TMEM41B: variants seen among roughly 807,000 people sequenced by gnomAD.
TMEM41B encodes transmembrane protein 41B.
Under a neutral mutation model 31.9 loss-of-function variants are expected in TMEM41B, and 18 were observed. That is an observed-to-expected ratio of 0.56 (90% CI 0.39 to 0.84). TMEM41B has a LOEUF of 0.84. TMEM41B is among the 40% of genes least tolerant of loss of function. The probability of loss-of-function intolerance (pLI) is 0.00; values close to 1 mark genes in which losing one functional copy is unlikely to be tolerated. For missense variants in TMEM41B, 322 were observed against 348.0 expected, an observed-to-expected ratio of 0.93 and a Z score of 0.59; for synonymous variants, 144 against 124.3, an observed-to-expected ratio of 1.16 and a Z score of -1.05.
At chr11:9,292,072 T>C (rs1193802767) in intron 3 of TMEM41B, among the ~76,000 whole-genome samples, 1 of 152,218 alleles carries the variant, frequency 6.6e-6, no homozygotes, top group Non-Finnish European at 1.5e-5. Flanking sequence ...TAATTCCTTA[T>C]TGTCCTAAAG....
At position 9,286,196 on chromosome 11, in the gene TMEM41B, A is replaced by AGTTACAG. The variant is rs5789598; in HGVS notation, c.706+258_706+259insCTGTAAC. On this transcript the variant is annotated intron_variant, in intron 6 of 6. Coordinates refer to ENST00000528080, the MANE Select transcript of TMEM41B (RefSeq NM_015012.4). ...TTCCTCTCCACTTAGAGGGACTGGA[A>AGTTACAG]GTCCTGCTTAACCCTATATCATTAA... is the stretch of plus-strand genomic sequence containing the variant. Among the ~76,000 whole-genome samples, 6 of 152,008 alleles carry AGTTACAG rather than the reference A, an allele frequency of 3.9e-5. No individual in the cohort carries two copies. In the East Asian group the frequency reaches 5.8e-4, roughly 15 times the overall value.
chr11:9,293,775 G>T (rs72850512), intron 3 of TMEM41B, among the ~76,000 whole-genome samples: 22,906 of 151,806 alleles, frequency 0.15, 1,962 homozygotes, highest in Non-Finnish European at 0.2. Flanking sequence ...TAAAGATGGC[G>T]TTTCACTATG....
intron 1 of TMEM41B, among the ~76,000 whole-genome samples, chr11:9,310,613 T>C (rs1008219089): frequency 2.0e-5 from 3 of 151,404 alleles, no homozygotes; most frequent in African/African-American, 7.3e-5. Flanking sequence ...AAAAGTTATG[T>C]ACTCTAGTCC....
intron 1 of TMEM41B, among the ~76,000 whole-genome samples, chr11:9,305,085 C>G (rs1853353511): frequency 1.3e-5 from 2 of 152,124 alleles, no homozygotes; most frequent in South Asian, 4.1e-4. Flanking sequence ...AGCCATAGAA[C>G]CGGGCTAGAA....
At chr11:9,311,765 C>A in intron 1 of TMEM41B, 1 of 616,648 alleles carries the variant, frequency 1.6e-6, no homozygotes, top group Non-Finnish European at 3.0e-6. Flanking sequence ...ACTAGTTTCA[C>A]CTCCTGTCTG....
chr11:9,302,524 C>T (rs1184163638), intron 1 of TMEM41B, among the ~76,000 whole-genome samples: 1 of 99,522 alleles, frequency 1.0e-5, no homozygotes, highest in Admixed American at 9.7e-5. Context: ...AACTCCTGGG[C>T]TCCAGCAATC....
chr11:9,312,986 G>A lies in TMEM41B; in HGVS notation c.121+1335C>T, dbSNP rs947173873. The stretch of plus-strand genomic sequence containing the variant: ...TAAGATTAAAAAGTAAGAGCACTTT[G>A]GAAGTTTCAAGGTTTTATTTTTTGA... On this transcript the variant is annotated intron_variant, in intron 1 of 6. Coordinates refer to ENST00000528080, the MANE Select transcript of TMEM41B (RefSeq NM_015012.4). 9.9e-5 allele frequency among the ~76,000 whole-genome samples: 15 copies of A among 151,582 alleles called. No homozygotes were observed. The East Asian group carries it at 1.5e-3, about 16-fold the overall frequency.
At chr11:9,287,615 T>C in intron 5 of TMEM41B, 87 bp downstream of exon 5, 4 of 821,414 alleles carry the variant, frequency 4.9e-6, no homozygotes, top group Non-Finnish European at 7.6e-6. Flanking sequence ...GTTGGGTTAA[T>C]ACATGTAGTT....
intron 1 of TMEM41B, among the ~76,000 whole-genome samples, chr11:9,310,655 CTTTTT>C (rs36061977): frequency 5.5e-5 from 6 of 109,162 alleles, no homozygotes; most frequent in Admixed American, 1.1e-4. Context: ...GTTAAGAGCC[CTTTTT>C]TTTTTTTTTT....
At chr11:9,314,250 G>C (rs963843204) in intron 1 of TMEM41B, 71 bp downstream of exon 1, 2 of 1,495,644 alleles carry the variant, frequency 1.3e-6, no homozygotes, top group Non-Finnish European at 1.8e-6. Flanking sequence ...GAGAATAGCG[G>C]GGGTCCTTTT....
chr11:9,293,478 AAC>A (rs1174354854), intron 3 of TMEM41B, among the ~76,000 whole-genome samples: 1 of 152,342 alleles, frequency 6.6e-6, no homozygotes, highest in East Asian at 1.9e-4. Context: ...TCTTAGATAA[AAC>A]ACAGCATATT....
chr11:9,311,598 G>T, intron 1 of TMEM41B: 1 of 1,035,722 alleles, frequency 9.7e-7, no homozygotes, highest in Non-Finnish European at 1.4e-6. Flanking sequence ...TGGGTTGATA[G>T]GTGGTGAGTG....
chr11:9,300,351 C>G (rs1590382631), intron 1 of TMEM41B, among the ~76,000 whole-genome samples: 1 of 152,214 alleles, frequency 6.6e-6, no homozygotes, highest in African/African-American at 2.4e-5. Flanking sequence ...TGGGAGCCAA[C>G]AGCATAGACA....
intron 1 of TMEM41B, among the ~76,000 whole-genome samples, chr11:9,310,491 T>C (rs1853531046): frequency 6.6e-6 from 1 of 152,070 alleles, no homozygotes. Flanking sequence ...CAAATTGATT[T>C]CACACCCCTC....
chr11:9,289,925 A>C (rs746870683), intron 3 of TMEM41B, among the ~76,000 whole-genome samples: 1 of 152,106 alleles, frequency 6.6e-6, no homozygotes, highest in Non-Finnish European at 1.5e-5. Flanking sequence ...TAAATTTGGC[A>C]ATTTCCATGG....
At chr11:9,292,922 G>A (rs996705075) in intron 3 of TMEM41B, among the ~76,000 whole-genome samples, 5 of 152,112 alleles carry the variant, frequency 3.3e-5, no homozygotes, top group African/African-American at 1.2e-4. Context: ...GCCAACACTT[G>A]TTATTTTCAT....
rs369390279 is a variant in TMEM41B, at chr11:9,295,335, G to C, written c.292C>G (p.Leu98Val). The C allele has an allele frequency of 3.7e-6, 6 of 1,600,636 alleles. No homozygotes were observed. The highest frequency in any genetic ancestry group is 1.7e-4 in the Middle Eastern group (1 of 5,916). ...TTGTATTTGGATAAAACTTTTCCTA[G>C]AGCCTTGGCATCATCCATATCTCTG... The part of the protein sequence containing the change: ...VPRDMDDAKA[L>V]GKVLSKYKDT... The change falls in exon 3 of 7, where the codon CTA (leucine) becomes GTA (valine). Residue 98 changes from leucine to valine, a missense_variant. This residue lies in a region of TMEM41B where 183 missense variants were observed against 175.3 expected (regional missense o/e 1.04). Coordinates refer to ENST00000528080, the MANE Select transcript of TMEM41B (RefSeq NM_015012.4).
At chr11:9,284,690 G>A (rs1852796106) in intron 6 of TMEM41B, among the ~76,000 whole-genome samples, 1 of 151,984 alleles carries the variant, frequency 6.6e-6, no homozygotes, top group Non-Finnish European at 1.5e-5. Flanking sequence ...TTGAACCCAG[G>A]AGGCGGAGGT....
At chr11:9,300,350 A>G (rs1853217975) in intron 1 of TMEM41B, among the ~76,000 whole-genome samples, 1 of 152,164 alleles carries the variant, frequency 6.6e-6, no homozygotes, top group South Asian at 2.1e-4. Flanking sequence ...CTGGGAGCCA[A>G]CAGCATAGAC....
Sources: gnomAD v4.1 joint callset for allele counts (sites outside exome capture counted in the v4.1 genomes callset) on GRCh38, gnomAD v4.1.1 for gene constraint, gnomAD v4.1.1 regional missense constraint, MANE v1.5 for transcripts, NCBI Gene and HGNC (gene_info 2026-07-23, HGNC 2026-07-21) for gene names.